The following B4GALNT4 variants were observed in gnomAD, a reference collection of about 807,000 sequenced individuals.
B4GALNT4 encodes the protein N-acetyl-beta-glucosaminyl-glycoprotein 4-beta-N-acetylgalactosaminyltransferase 1.
B4GALNT4 carries 77 observed loss-of-function variants against 110.0 expected under a neutral mutation model. The observed-to-expected ratio is 0.70, with a 90% CI of 0.58 to 0.85. The LOEUF (loss-of-function observed/expected upper bound fraction) is 0.85. Among genes scored for constraint, B4GALNT4 ranks in the 40% least tolerant of loss-of-function variants. B4GALNT4 has a pLI of 0.00. For missense variants in B4GALNT4, 1,575 were observed against 1,506.0 expected, an observed-to-expected ratio of 1.05 and a Z score of -0.76; for synonymous variants, 785 against 655.5, an observed-to-expected ratio of 1.20 and a Z score of -3.02.
intron 8 of B4GALNT4, 138 bp from the exon 9 acceptor site, chr11:375,322 GA>G (rs1463636619): frequency 1.8e-5 from 16 of 889,102 alleles, no homozygotes; most frequent in Non-Finnish European, 2.9e-5. Context: ...GAACGCCCCG[GA>G]CCCCTCTGCC....
chr11:373,403 A>ACTGGGGGGGGGG, intron 6 of B4GALNT4, 46 bp from the exon 7 acceptor site: 3 of 1,259,482 alleles, frequency 2.4e-6, no homozygotes, highest in Non-Finnish European at 2.2e-6. Flanking sequence ...CCAGGGAGAG[A>ACTGGGGGGGGGG]GTGAACCCCC....
chr11:379,394 C>A, intron 14 of B4GALNT4, 24 bp from the exon 15 acceptor site: 1 of 1,470,154 alleles, frequency 6.8e-7, no homozygotes, highest in Non-Finnish European at 8.9e-7. Flanking sequence ...AGCCCCAGTA[C>A]CGGCTGACCG....
chr11:376,008 T>C, intron 11 of B4GALNT4, 52 bp downstream of exon 11: 1 of 1,604,934 alleles, frequency 6.2e-7, no homozygotes, highest in Non-Finnish European at 8.5e-7. Flanking sequence ...CGGAGCCTTC[T>C]CCAGCCCCTT....
chr11:375,446 C>T lies in B4GALNT4; in HGVS notation c.784-15C>T. On this transcript the variant is annotated splice_polypyrimidine_tract_variant and intron_variant, in intron 8 of 19. Coordinates refer to ENST00000329962, the MANE Select transcript of B4GALNT4 (RefSeq NM_178537.5). ...CACCGCCCTGTCCCTGACCCCCACC[C>T]TCTCTGCCCCGCAGTGGCGAGCTTT... 2 of 1,611,280 alleles carry T rather than the reference C, an allele frequency of 1.2e-6. No homozygotes were observed. The highest frequency in any genetic ancestry group is 1.8e-4 in the Middle Eastern group (1 of 5,572).
chr11:372,801 G>A, intron 3 of B4GALNT4, 47 bp downstream of exon 3: 11 of 1,530,570 alleles, frequency 7.2e-6, no homozygotes, highest in African/African-American at 1.4e-5. Context: ...GGCGGGGGCT[G>A]GGGCGGGGGG....
chr11:379,469 G>C lies in B4GALNT4; in HGVS notation c.2256G>C (p.Ala752=). ...IVNVEKRRDS[A]RGSRFLLELE... is the part of the protein sequence containing the mutation. The stretch of plus-strand genomic sequence containing the variant: ...ACGTGGAGAAGCGCCGGGACTCGGC[G>C]CGAGGGAGTCGCTTCCTGCTGGAGC... Residue 752 remains alanine, a synonymous_variant, in exon 15 of 20, where the codon GCG becomes GCC. Coordinates refer to ENST00000329962, the MANE Select transcript of B4GALNT4 (RefSeq NM_178537.5). 6.4e-7 allele frequency: 1 copy of C among 1,560,730 alleles called. No individual in the cohort carries two copies. The highest frequency in any genetic ancestry group is 8.6e-7 in the Non-Finnish European group (1 of 1,160,960).
Position 376,065 on chromosome 11 carries a change from A to ACCC in B4GALNT4, c.1096-5_1096-3dup. The ACCC allele has an allele frequency of 9.7e-7, 1 of 1,027,922 alleles. No homozygotes were observed. Among genetic ancestry groups the ACCC allele is most frequent in the Non-Finnish European group, 1.4e-6 (1 of 706,174 alleles). 63.7% of individuals were successfully genotyped at this position (1,027,922 alleles called of 1,614,324 possible). On this transcript the variant is annotated splice_polypyrimidine_tract_variant and intron_variant, in intron 11 of 19. Transcript: ENST00000329962. ...CGCGCCCTGAGCCCTGCGCCCCCCC[A>ACCC]CCCCCCAGGTGTACCTGTCCTTCGT... is the stretch of plus-strand genomic sequence containing the variant.
In B4GALNT4 at chr11:373,739, C is replaced by T. The variant is rs748169141; in HGVS notation, c.705-11C>T. ...TGTGCATGGCACGACCCTTGCTCCT[C>T]GTGTCCCCAGGCTCATGGCCTCCCG... On this transcript the variant is annotated splice_polypyrimidine_tract_variant and intron_variant, in intron 7 of 19. Transcript: ENST00000329962. 103 of 1,611,802 alleles carry T rather than the reference C, an allele frequency of 6.4e-5. No homozygotes were observed. Among genetic ancestry groups the T allele is most frequent in the East Asian group, 4.0e-4 (18 of 44,854 alleles).
Position 373,061 on chromosome 11 carries a change from C to G in B4GALNT4, c.480C>G (p.Pro160=). 4 of 1,612,550 alleles carry G rather than the reference C, an allele frequency of 2.5e-6. No homozygotes were observed. The highest frequency in any genetic ancestry group is 1.3e-5 in the African/African-American group (1 of 74,968). ...CCGTGAAGAAGTTGGCCGTGTCCCC[C>G]AAGTGGAAGAACTATGGACTCCGTA... ...RTTVKKLAVS[P]KWKNYGLRIF... is the part of the protein sequence containing the mutation. Residue 160 remains proline, a synonymous_variant, in exon 5 of 20, where the codon CCC becomes CCG. Coordinates refer to ENST00000329962, the MANE Select transcript of B4GALNT4 (RefSeq NM_178537.5).
chr11:374,376 C>A (rs1349728890), intron 8 of B4GALNT4, among the ~76,000 whole-genome samples: 2 of 151,244 alleles, frequency 1.3e-5, no homozygotes, highest in Admixed American at 6.6e-5. Context: ...AGGGGTTATA[C>A]AGCAAGGCAG....
Position 376,462 on chromosome 11 carries a change from C to T in B4GALNT4, c.1339C>T (p.Leu447=), listed in dbSNP as rs761273684. Residue 447 remains leucine, a synonymous_variant, in exon 14 of 20, where the codon CTG becomes TTG. Coordinates refer to ENST00000329962, the MANE Select transcript of B4GALNT4 (RefSeq NM_178537.5). The part of the protein sequence containing the change: ...DEDEGELLDS[L]EPTEAAPPRS... The stretch of plus-strand genomic sequence containing the variant: ...GGACGAGGGGGAGCTGCTCGACAGC[C>T]TGGAGCCCACCGAGGCGGCCCCGCC... The T allele has an allele frequency of 4.4e-6, 7 of 1,594,508 alleles. No individual in the cohort carries two copies. In the Admixed American group the frequency reaches 1.2e-4, roughly 27 times the overall value.
Position 373,017 on chromosome 11 carries a change from C to A in B4GALNT4, c.445-9C>A, listed in dbSNP as rs780196029. Reference sequence around the variant, plus strand: ...GGGGCTTCGACAGCAACAGTCACTGCCCCCCCAGACGCGCACCACCGTGAA... The same window carrying A: ...GGGGCTTCGACAGCAACAGTCACTGACCCCCCAGACGCGCACCACCGTGAA... On this transcript the variant is annotated splice_polypyrimidine_tract_variant and intron_variant, in intron 4 of 19. Coordinates refer to ENST00000329962, the MANE Select transcript of B4GALNT4 (RefSeq NM_178537.5). The A allele has an allele frequency of 6.2e-7, 1 of 1,611,942 alleles. No homozygotes were observed. Among genetic ancestry groups the A allele is most frequent in the South Asian group, 1.1e-5 (1 of 91,052 alleles).
rs563575396 is a variant in B4GALNT4 at position 379,849 on chromosome 11, C to T, written c.2489-17C>T. The T allele has an allele frequency of 1.3e-4, 209 of 1,579,438 alleles. 4 individuals carry two copies. In the South Asian group the frequency reaches 2.2e-3, roughly 16 times the overall value. ...GTCAGCGTCGGCTCAGCGCCCCCCC[C>T]GCCTTTTCTCCTCCAGTGAAAAACC... On this transcript the variant is annotated splice_polypyrimidine_tract_variant and intron_variant, in intron 15 of 19. Coordinates refer to ENST00000329962, the MANE Select transcript of B4GALNT4 (RefSeq NM_178537.5).
intron 1 of B4GALNT4, among the ~76,000 whole-genome samples, 189 bp from the exon 2 acceptor site, chr11:371,920 G>A (rs1298959065): frequency 6.6e-6 from 1 of 152,232 alleles, no homozygotes; most frequent in Non-Finnish European, 1.5e-5. Context: ...AGAAGAAGTT[G>A]CCTTGCTGGG....
chr11:375,240 G>A (rs899004307), intron 8 of B4GALNT4, among the ~76,000 whole-genome samples: 4 of 151,452 alleles, frequency 2.6e-5, no homozygotes, highest in Non-Finnish European at 5.9e-5. Flanking sequence ...AGCATGGTGG[G>A]GTCTGGCCCT....
In B4GALNT4 at chr11:380,856, T is replaced by G; in HGVS notation, c.2901T>G (p.Phe967Leu). ...GGGAGGTGAACGGCTTTGGCCTTTT[T>G]GGGATCTACAAGTCGGACTTTGACC... The part of the protein sequence containing the change: ...GYWEVNGFGL[F>L]GIYKSDFDRV... Residue 967 changes from phenylalanine to leucine, a missense_variant, in exon 19 of 20, where the codon TTT becomes TTG. Transcript: ENST00000329962. 6.2e-7 allele frequency: 1 copy of G among 1,613,804 alleles called. No individual in the cohort carries two copies. The highest frequency in any genetic ancestry group is 8.5e-7 in the Non-Finnish European group (1 of 1,179,868).
rs1846752534 is a variant in B4GALNT4 at position 376,366 on chromosome 11, C to T, written c.1297+15C>T. On this transcript the variant is annotated intron_variant, in intron 13 of 19. Transcript: ENST00000329962. ...CAACCCGGACGGTGAGTGTCCGCAG[C>T]GCCCCTGGCCCGCACCCACCTGCGC... 1 of 1,603,734 alleles carries T rather than the reference C, an allele frequency of 6.2e-7. No homozygotes were observed. The highest frequency in any genetic ancestry group is 1.3e-5 in the African/African-American group (1 of 74,808).
chr11:372,604 T>C, intron 2 of B4GALNT4, 58 bp from the exon 3 acceptor site: 1 of 1,373,736 alleles, frequency 7.3e-7, no homozygotes, highest in Non-Finnish European at 1.0e-6. Context: ...TGTCTTGGTG[T>C]GTGTGACCTC....
chr11:380,224 C>T (rs1166404740), intron 17 of B4GALNT4, 22 bp downstream of exon 17: 2 of 1,604,968 alleles, frequency 1.2e-6, no homozygotes, highest in Non-Finnish European at 8.5e-7. Context: ...CCATGGGGGT[C>T]GGGGAGCAAA....
Sources: allele counts gnomAD v4.1 joint callset (sites outside exome capture counted in the v4.1 genomes callset), GRCh38; gene constraint gnomAD v4.1.1; transcripts MANE v1.5; gene names NCBI Gene and HGNC (gene_info 2026-07-23, HGNC 2026-07-21).